TTC7B: variants seen among roughly 807,000 people sequenced by gnomAD.
TTC7B encodes tetratricopeptide repeat protein 7B.
In TTC7B, 28 loss-of-function variants were observed where a neutral mutation model predicts 106.8. The observed-to-expected ratio is 0.26, with a 90% CI of 0.19 to 0.36. TTC7B has a LOEUF of 0.36. Ranked by LOEUF, TTC7B falls within the 10% of genes least tolerant of loss-of-function variation. The pLI is 1.00. For synonymous variants in TTC7B, 405 were observed against 430.6 expected (o/e 0.94, Z 0.74); for missense variants, 862 against 1,076.4 (o/e 0.80, Z 2.79).
intron 3 of TTC7B, among the ~76,000 whole-genome samples, chr14:90,765,066 C>T (rs553587277): frequency 3.3e-5 from 5 of 152,288 alleles, no homozygotes; most frequent in African/African-American, 9.6e-5. Context: ...CTGCTGTCCA[C>T]CAACTGATGA....
At chr14:90,766,893 A>G in intron 3 of TTC7B, 1 of 1,583,886 alleles carries the variant, frequency 6.3e-7, no homozygotes, top group Non-Finnish European at 8.6e-7. Context: ...GGGCCCATAG[A>G]GGGCTGTGCC....
rs1890986540 is a variant in TTC7B, at chr14:90,570,424, C to T, written c.2310+7682G>A. Among the ~76,000 whole-genome samples, 1 of 152,186 alleles carries T rather than the reference C, an allele frequency of 6.6e-6. No homozygotes were observed. The highest frequency in any genetic ancestry group is 1.5e-5 in the Non-Finnish European group (1 of 68,032). On this transcript the variant is annotated intron_variant, in intron 19 of 19. Coordinates refer to ENST00000328459, the MANE Select transcript of TTC7B (RefSeq NM_001010854.2). This position sits in a 1 kb window ranked among gnomAD's most constrained non-coding sequence, Gnocchi z 4.0. The stretch of plus-strand genomic sequence containing the variant: ...AAACAGCTGGTTCTGATGACCTCTG[C>T]TCAAAATCCAACACTTTCTATCTCC...
At position 90,577,811 on chromosome 14, in the gene TTC7B, T is replaced by C. The variant is rs1052240406; in HGVS notation, c.2310+295A>G. Among the ~76,000 whole-genome samples the C allele has an allele frequency of 2.0e-5, 3 of 152,236 alleles. No individual in the cohort carries two copies. The highest frequency in any genetic ancestry group is 2.9e-5 in the Non-Finnish European group (2 of 68,038). On this transcript the variant is annotated intron_variant, in intron 19 of 19. Transcript: ENST00000328459. The surrounding 1 kb of genome is among the most constrained non-coding windows in gnomAD (Gnocchi z 5.0). ...ACAATGCCCCACGGCCACAAGAATG[T>C]CTTTATCAAACCCAGAGCCACAGGG... is the stretch of plus-strand genomic sequence containing the variant.
chr14:90,738,158 TA>T (rs1430457494), intron 4 of TTC7B, among the ~76,000 whole-genome samples: 1 of 152,194 alleles, frequency 6.6e-6, no homozygotes, highest in Non-Finnish European at 1.5e-5. Context: ...TAACTAGTAT[TA>T]AAAAAATTTC....
At chr14:90,580,554 A>T (rs2139807596) in intron 18 of TTC7B, among the ~76,000 whole-genome samples, 1 of 152,144 alleles carries the variant, frequency 6.6e-6, no homozygotes, top group Non-Finnish European at 1.5e-5. Context: ...AGCTTGGCAC[A>T]CTGCCCTTAT....
At chr14:90,658,643 C>T (rs1381883726) in intron 9 of TTC7B, among the ~76,000 whole-genome samples, 4 of 152,138 alleles carry the variant, frequency 2.6e-5, no homozygotes, top group Admixed American at 6.5e-5. Context: ...TTGTATCTGG[C>T]ACAGGAAAAG....
chr14:90,632,820 C>T (rs80244637), intron 15 of TTC7B, among the ~76,000 whole-genome samples: 271 of 152,236 alleles, frequency 1.8e-3, no homozygotes, highest in Non-Finnish European at 3.0e-3. Context: ...ACAAAACTAC[C>T]CACCATAGAT....
chr14:90,550,306 G>T (rs555226000), intron 19 of TTC7B, among the ~76,000 whole-genome samples: 1 of 152,288 alleles, frequency 6.6e-6, no homozygotes, highest in South Asian at 2.1e-4. Context: ...TGATGTATAG[G>T]ACCGAACTGT....
At chr14:90,574,218 G>C (rs1423180878) in intron 19 of TTC7B, among the ~76,000 whole-genome samples, 5 of 152,200 alleles carry the variant, frequency 3.3e-5, no homozygotes, top group African/African-American at 7.2e-5. Flanking sequence ...GGAGCTAAAG[G>C]CTTTTTAACA....
intron 7 of TTC7B, among the ~76,000 whole-genome samples, chr14:90,686,672 A>G (rs1161310592): frequency 6.6e-6 from 1 of 152,258 alleles, no homozygotes; most frequent in African/African-American, 2.4e-5. Flanking sequence ...TTGTATTTCC[A>G]TATACTTGCA....
rs144707581 is a variant in TTC7B at position 90,714,315 on chromosome 14, T to C, written c.698+15760A>G. Among the ~76,000 whole-genome samples, 597 of 152,094 alleles carry C rather than the reference T, an allele frequency of 3.9e-3. 6 individuals carry two copies. Among genetic ancestry groups the C allele is most frequent in the African/African-American group, 0.014 (575 of 41,502 alleles). ...AAAATTTCTAGAAAAGGCGAATCTA[T>C]AGACACAGAGCCACAGAGCAAATAA... On this transcript the variant is annotated intron_variant, in intron 5 of 19. Transcript: ENST00000328459.
intron 19 of TTC7B, among the ~76,000 whole-genome samples, chr14:90,562,298 G>A (rs1332925882): frequency 6.6e-6 from 1 of 152,158 alleles, no homozygotes; most frequent in Non-Finnish European, 1.5e-5. Flanking sequence ...TGAACCATGT[G>A]CCTGAGTCAG....
chr14:90,758,583 T>TGGCGGCGGCTGCCGAGG (rs1327649355), intron 3 of TTC7B, among the ~76,000 whole-genome samples: 1 of 152,206 alleles, frequency 6.6e-6, no homozygotes, highest in Non-Finnish European at 1.5e-5. Context: ...CCGCGACCCC[T>TGGCGGCGGCTGCCGAGG]GGCGGCGGCT....
chr14:90,544,520 T>C (rs117565598), intron 19 of TTC7B, among the ~76,000 whole-genome samples: 1 of 152,252 alleles, frequency 6.6e-6, no homozygotes, highest in East Asian at 1.9e-4. Context: ...TTGGACCTCC[T>C]TAAGAGGGAA....
In TTC7B at chr14:90,731,345, G is replaced by A. The variant is rs928079940; in HGVS notation, c.577-1149C>T. Among the ~76,000 whole-genome samples the A allele has an allele frequency of 6.6e-5, 10 of 152,268 alleles. No individual in the cohort carries two copies. The East Asian group carries it at 1.5e-3, about 24-fold the overall frequency. On this transcript the variant is annotated intron_variant, in intron 4 of 19. Transcript: ENST00000328459. ...AAAACCAATGTTCTCCAAACATGCC[G>A]TCCACATTTGCTGAAAGTCAGCAGC...
At chr14:90,638,773 T>C (rs1428059210) in intron 15 of TTC7B, among the ~76,000 whole-genome samples, 1 of 152,202 alleles carries the variant, frequency 6.6e-6, no homozygotes, top group Non-Finnish European at 1.5e-5. Context: ...AGACAAGCCA[T>C]GGCAACCTAA....
chr14:90,637,408 C>A (rs1024726815), intron 15 of TTC7B, among the ~76,000 whole-genome samples: 4 of 151,820 alleles, frequency 2.6e-5, no homozygotes, highest in African/African-American at 7.2e-5. Context: ...AGAAAAACCC[C>A]CCCCCAGCCC....
intron 5 of TTC7B, 109 bp downstream of exon 5, chr14:90,729,966 G>A (rs1745734478): frequency 5.8e-6 from 7 of 1,204,942 alleles, no homozygotes; most frequent in Middle Eastern, 3.1e-4. Context: ...TCCAATGGTA[G>A]TTCATATTTA....
At chr14:90,771,371 G>A (rs1890857588) in intron 3 of TTC7B, among the ~76,000 whole-genome samples, 1 of 152,162 alleles carries the variant, frequency 6.6e-6, no homozygotes, top group African/African-American at 2.4e-5. Flanking sequence ...CAAGGCGGGA[G>A]GCTCGCTTAA....
Sources: allele counts gnomAD v4.1 joint callset (sites outside exome capture counted in the v4.1 genomes callset), GRCh38; gene constraint gnomAD v4.1.1; non-coding constraint Gnocchi (gnomAD v3.1); transcripts MANE v1.5; gene names NCBI Gene and HGNC (gene_info 2026-07-23, HGNC 2026-07-21).